The following WWTR1 variants were observed in gnomAD, a reference collection of about 807,000 sequenced individuals.
WWTR1 encodes the protein WW domain containing transcription regulator 1.
A neutral mutation model predicts 40.1 loss-of-function variants in WWTR1; 13 were observed. The ratio of observed to expected loss-of-function variants is 0.32; its 90% CI spans 0.21 to 0.52. WWTR1 has a LOEUF of 0.52. Ranked by LOEUF, WWTR1 falls within the 20% of genes least tolerant of loss-of-function variation. The pLI, the probability that WWTR1 is intolerant of heterozygous loss-of-function variation, is 0.97. For synonymous variants in WWTR1, 230 were observed against 210.1 expected (o/e 1.09, Z -0.82); for missense variants, 436 against 523.1 (o/e 0.83, Z 1.63).
chr3:149,688,714 T>TAA, intron 1 of WWTR1, among the ~76,000 whole-genome samples: 1 of 152,120 alleles, frequency 6.6e-6, no homozygotes, highest in East Asian at 1.9e-4. Context: ...AATAAATACC[T>TAA]AACTCCTCAG....
At chr3:149,584,279 A>C (rs1469837114) in intron 2 of WWTR1, among the ~76,000 whole-genome samples, 3 of 152,242 alleles carry the variant, frequency 2.0e-5, no homozygotes, top group African/African-American at 7.2e-5. Flanking sequence ...CTTTAAAACC[A>C]AAAATTCTTT....
At position 149,667,054 on chromosome 3, in the gene WWTR1, T is replaced by G. The variant is rs185403127; in HGVS notation, c.-4+2734A>C. 4.9e-4 allele frequency among the ~76,000 whole-genome samples: 75 copies of G among 152,276 alleles called. 2 individuals are homozygous for G. In the East Asian group the frequency reaches 0.014, roughly 28 times the overall value. On this transcript the variant is annotated intron_variant, in intron 2 of 7. Coordinates refer to the WWTR1 transcript ENST00000465804. ...CATTAAATAAATAAAAACTTAAATG[T>G]GTTGGAGGTACTGAAAATTCAATCA...
At chr3:149,593,327 C>T (rs1215497429) in intron 2 of WWTR1, among the ~76,000 whole-genome samples, 1 of 152,142 alleles carries the variant, frequency 6.6e-6, no homozygotes, top group African/African-American at 2.4e-5. Context: ...ACTCATGAAG[C>T]CCTCATAATG....
chr3:149,584,351 GT>G (rs1560071971), intron 2 of WWTR1, among the ~76,000 whole-genome samples: 1 of 152,102 alleles, frequency 6.6e-6, no homozygotes, highest in Admixed American at 6.5e-5. Flanking sequence ...TGTTGGTTTT[GT>G]TTTTTTCAAT....
At chr3:149,711,074 G>T (rs1302618150) in intron 5 of WWTR1, among the ~76,000 whole-genome samples, 1 of 150,282 alleles carries the variant, frequency 6.7e-6, no homozygotes, top group South Asian at 2.1e-4. Context: ...CACCCAAATT[G>T]ATTATATATT....
chr3:149,721,955 G>A (rs1173891679), intron 4 of WWTR1, among the ~76,000 whole-genome samples: 1 of 152,066 alleles, frequency 6.6e-6, no homozygotes, highest in African/African-American at 2.4e-5. Context: ...CTATTTCTTT[G>A]TGGCTTAGTC....
At chr3:149,647,168 CA>C (rs1229761202) in intron 2 of WWTR1, among the ~76,000 whole-genome samples, 2 of 152,078 alleles carry the variant, frequency 1.3e-5, no homozygotes, top group East Asian at 3.9e-4. Flanking sequence ...TCTGAAAAAA[CA>C]AAAAAACTAG....
At chr3:149,680,058 G>C (rs1186005681) in intron 1 of WWTR1, among the ~76,000 whole-genome samples, 1 of 152,170 alleles carries the variant, frequency 6.6e-6, no homozygotes, top group Non-Finnish European at 1.5e-5. Context: ...ATAAGGTGAT[G>C]ACAATAACCT....
At chr3:149,716,436 T>A (rs1715608764) in intron 5 of WWTR1, among the ~76,000 whole-genome samples, 1 of 151,996 alleles carries the variant, frequency 6.6e-6, no homozygotes, top group African/African-American at 2.4e-5. Flanking sequence ...TGTGGCCTAC[T>A]TACCTTTTCA....
At chr3:149,590,688 C>T (rs1738668889) in intron 2 of WWTR1, among the ~76,000 whole-genome samples, 1 of 152,128 alleles carries the variant, frequency 6.6e-6, no homozygotes, top group Admixed American at 6.5e-5. Flanking sequence ...AGTAAACCTA[C>T]TTAATAAGTT....
intron 4 of WWTR1, among the ~76,000 whole-genome samples, chr3:149,723,363 T>A (rs1576652743): frequency 2.7e-5 from 4 of 149,460 alleles, no homozygotes; most frequent in Admixed American, 2.1e-4. Flanking sequence ...TAATTTTGTA[T>A]TTTTAGTAGA....
intron 2 of WWTR1, among the ~76,000 whole-genome samples, chr3:149,626,379 A>G (rs1050751957): frequency 6.6e-6 from 1 of 152,124 alleles, no homozygotes; most frequent in African/African-American, 2.4e-5. Context: ...CATATTTCCT[A>G]TGGGTTTTCC....
intron 2 of WWTR1, among the ~76,000 whole-genome samples, chr3:149,647,390 G>C (rs1712591287): frequency 6.6e-6 from 1 of 152,216 alleles, no homozygotes; most frequent in Non-Finnish European, 1.5e-5. Context: ...TGGCTGCCCA[G>C]GCAGGGCATC....
intron 3 of WWTR1, among the ~76,000 whole-genome samples, chr3:149,560,872 A>G (rs1737051378): frequency 6.6e-6 from 1 of 152,180 alleles, no homozygotes; most frequent in Non-Finnish European, 1.5e-5. Flanking sequence ...CAAGCTGAAA[A>G]ACAGAGTTAG....
chr3:149,693,058 GATATGATC>G (rs1385006209), intron 1 of WWTR1, among the ~76,000 whole-genome samples: 3 of 152,134 alleles, frequency 2.0e-5, no homozygotes, highest in Non-Finnish European at 1.5e-5. Flanking sequence ...GTTTGCAGAT[GATATGATC>G]TTATATTTGG....
intron 5 of WWTR1, among the ~76,000 whole-genome samples, chr3:149,711,221 G>A (rs1467993037): frequency 6.6e-6 from 1 of 151,138 alleles, no homozygotes; most frequent in Non-Finnish European, 1.5e-5. Flanking sequence ...ATCCCAGCAG[G>A]TTGGGAGGCC....
chr3:149,595,676 A>G (rs1738968561), intron 2 of WWTR1, among the ~76,000 whole-genome samples: 1 of 152,114 alleles, frequency 6.6e-6, no homozygotes, highest in African/African-American at 2.4e-5. Flanking sequence ...ACTTGGTTCA[A>G]GTTTCCAAAA....
At chr3:149,595,118 C>A (rs1007422863) in intron 2 of WWTR1, among the ~76,000 whole-genome samples, 3 of 151,532 alleles carry the variant, frequency 2.0e-5, no homozygotes, top group African/African-American at 7.3e-5. Context: ...TGCACCACCA[C>A]GCCCAGCTAA....
intron 2 of WWTR1, among the ~76,000 whole-genome samples, chr3:149,620,368 C>T (rs901800776): frequency 2.0e-5 from 3 of 152,108 alleles, no homozygotes; most frequent in African/African-American, 7.2e-5. Context: ...CTTTGGTCAG[C>T]CATTAAATTG....
Sources: allele counts gnomAD v4.1 joint callset (sites outside exome capture counted in the v4.1 genomes callset), GRCh38; gene constraint gnomAD v4.1.1; transcripts MANE v1.5; gene names NCBI Gene and HGNC (gene_info 2026-07-23, HGNC 2026-07-21).